FGGY: variants seen among roughly 807,000 people sequenced by gnomAD.
FGGY encodes FGGY carbohydrate kinase domain-containing protein.
FGGY carries 72 observed loss-of-function variants against 71.3 expected under a neutral mutation model. The observed-to-expected ratio is 1.01, with a 90% confidence interval of 0.84 to 1.23. The LOEUF is 1.23. Ranked by LOEUF, FGGY falls within the 50% of genes most tolerant of loss-of-function variation. The probability of loss-of-function intolerance (pLI) is 0.00; values close to 1 mark genes in which losing one functional copy is unlikely to be tolerated. For missense variants in FGGY, 668 were observed against 682.3 expected, an observed-to-expected ratio of 0.98 and a Z score of 0.23; for synonymous variants, 251 against 250.3, an observed-to-expected ratio of 1.00 and a Z score of -0.02.
chr1:59,709,965 A>G (rs1281177100), intron 14 of FGGY, among the ~76,000 whole-genome samples: 2 of 152,166 alleles, frequency 1.3e-5, no homozygotes, highest in African/African-American at 2.4e-5. Context: ...AGGGGGCCCA[A>G]TGTCTGGCCT....
At chr1:59,473,673 G>A (rs1048585765) in intron 6 of FGGY, among the ~76,000 whole-genome samples, 8 of 152,166 alleles carry the variant, frequency 5.3e-5, no homozygotes, top group South Asian at 2.1e-4. Flanking sequence ...TGGGGGGCTA[G>A]TTTCTGATGG....
At chr1:59,394,300 C>A (rs1557783137) in intron 5 of FGGY, among the ~76,000 whole-genome samples, 1 of 152,148 alleles carries the variant, frequency 6.6e-6, no homozygotes, top group Non-Finnish European at 1.5e-5. Context: ...ATCTCATATT[C>A]ATAATTGTAT....
intron 9 of FGGY, among the ~76,000 whole-genome samples, chr1:59,619,892 T>G (rs2096791675): frequency 1.3e-5 from 2 of 152,000 alleles, no homozygotes; most frequent in Admixed American, 1.3e-4. Context: ...GTGAGGAGGA[T>G]GATGGCATGG....
chr1:59,628,498 A>T (rs545556152), intron 10 of FGGY, among the ~76,000 whole-genome samples: 18 of 152,338 alleles, frequency 1.2e-4, no homozygotes, highest in Admixed American at 5.9e-4. Flanking sequence ...GACCAGAGAA[A>T]GGACATTGGT....
intron 4 of FGGY, among the ~76,000 whole-genome samples, chr1:59,375,733 CCCAGTGT>C (rs2058555809): frequency 6.6e-6 from 1 of 152,110 alleles, no homozygotes. Context: ...TCCTCCTATT[CCCAGTGT>C]CTCTTTTTGG....
At chr1:59,411,114 A>G (rs2063540192) in intron 5 of FGGY, among the ~76,000 whole-genome samples, 1 of 152,212 alleles carries the variant, frequency 6.6e-6, no homozygotes, top group South Asian at 2.1e-4. Flanking sequence ...ATCTAGGATC[A>G]CACAATACAT....
chr1:59,499,281 C>A (rs954698746), intron 6 of FGGY, among the ~76,000 whole-genome samples: 1 of 134,194 alleles, frequency 7.5e-6, no homozygotes, highest in African/African-American at 2.8e-5. Context: ...AGTACTGAAC[C>A]CTATGTATAC....
intron 8 of FGGY, among the ~76,000 whole-genome samples, chr1:59,596,466 A>G (rs897594170): frequency 2.2e-4 from 33 of 151,852 alleles, no homozygotes; most frequent in African/African-American, 7.0e-4. Context: ...TTCTCCAAAA[A>G]AAAAAAAAAG....
intron 15 of FGGY, among the ~76,000 whole-genome samples, chr1:59,762,071 T>C (rs866678858): frequency 5.9e-4 from 38 of 64,340 alleles, no homozygotes; most frequent in African/African-American, 1.1e-3. Context: ...TAGGAATTTT[T>C]TTTTTTTTTT....
chr1:59,588,674 A>G (rs1267529773), intron 8 of FGGY, among the ~76,000 whole-genome samples: 1 of 152,208 alleles, frequency 6.6e-6, no homozygotes, highest in Non-Finnish European at 1.5e-5. Flanking sequence ...CCAGAATTTC[A>G]TATCCAGCCA....
At chr1:59,400,237 G>A (rs1393471074) in intron 5 of FGGY, among the ~76,000 whole-genome samples, 1 of 152,134 alleles carries the variant, frequency 6.6e-6, no homozygotes, top group Non-Finnish European at 1.5e-5. Flanking sequence ...TCCTTTTGTA[G>A]TCAGATCTCC....
chr1:59,680,751 T>A (rs2097489741), intron 14 of FGGY: 1 of 152,082 alleles, frequency 6.6e-6, no homozygotes, highest in Non-Finnish European at 1.5e-5. Flanking sequence ...AACCCAGTGG[T>A]TGGTAGCAGC....
At chr1:59,425,772 T>C (rs1297851019) in intron 5 of FGGY, among the ~76,000 whole-genome samples, 1 of 152,200 alleles carries the variant, frequency 6.6e-6, no homozygotes, top group Non-Finnish European at 1.5e-5. Flanking sequence ...TGGCCTATGT[T>C]CTTTGAATTT....
rs557147489 is a variant in FGGY, at chr1:59,541,730, G to A, written c.800-12394G>A. ...TGCAGAATATATCCGAAAGAAATGT[G>A]TACTTCAATGTACCAAAAATATGTA... is the stretch of plus-strand genomic sequence containing the variant. On this transcript the variant is annotated intron_variant, in intron 7 of 15. Coordinates refer to ENST00000303721, the MANE Select transcript of FGGY (RefSeq NM_018291.5). 9.5e-4 allele frequency among the ~76,000 whole-genome samples: 144 copies of A among 152,240 alleles called. 1 individual carries two copies. The highest frequency in any genetic ancestry group is 3.4e-3 in the Middle Eastern group (1 of 294).
intron 7 of FGGY, among the ~76,000 whole-genome samples, chr1:59,533,032 G>T (rs377269783): frequency 2.6e-5 from 4 of 152,160 alleles, no homozygotes; most frequent in East Asian, 1.9e-4. Context: ...AACAGCTCCC[G>T]TCTACAGCTC....
chr1:59,463,703 G>C (rs1472222626), intron 6 of FGGY, among the ~76,000 whole-genome samples: 1 of 150,348 alleles, frequency 6.7e-6, no homozygotes, highest in Non-Finnish European at 1.5e-5. Flanking sequence ...AAAAAAGGCA[G>C]GGGTTGCAAT....
chr1:59,624,512 ATAG>A (rs1376431967), intron 9 of FGGY, among the ~76,000 whole-genome samples: 12 of 152,332 alleles, frequency 7.9e-5, no homozygotes, highest in South Asian at 2.1e-4. Context: ...TGTTGGCACT[ATAG>A]TAGTGTATTA....
intron 14 of FGGY, among the ~76,000 whole-genome samples, chr1:59,737,708 G>A (rs2098117488): frequency 6.6e-6 from 1 of 152,212 alleles, no homozygotes; most frequent in African/African-American, 2.4e-5. Context: ...CAGGCTCATA[G>A]GCAGAAGGGA....
At chr1:59,588,459 C>T (rs1202225194) in intron 8 of FGGY, among the ~76,000 whole-genome samples, 1 of 152,036 alleles carries the variant, frequency 6.6e-6, no homozygotes, top group East Asian at 1.9e-4. Context: ...CAAAGATACT[C>T]CTCGAGAAGA....
Sources: gnomAD v4.1 joint callset for allele counts (sites outside exome capture counted in the v4.1 genomes callset) on GRCh38, gnomAD v4.1.1 for gene constraint, MANE v1.5 for transcripts, NCBI Gene and HGNC (gene_info 2026-07-23, HGNC 2026-07-21) for gene names.